Variants in DLG2 observed in about 807,000 individuals in gnomAD.
DLG2 encodes discs large MAGUK scaffold protein 2.
Under a neutral mutation model 132.5 loss-of-function variants are expected in DLG2, and 45 were observed. The ratio of observed to expected loss-of-function variants is 0.34; its 90% CI spans 0.27 to 0.44. DLG2 has a LOEUF of 0.44. Among genes scored for constraint, DLG2 ranks in the 20% least tolerant of loss-of-function variants. DLG2 has a pLI of 1.00. For missense variants in DLG2, 1,045 were observed against 1,196.9 expected, an observed-to-expected ratio of 0.87 and a Z score of 1.87; for synonymous variants, 424 against 419.6, an observed-to-expected ratio of 1.01 and a Z score of -0.13.
At chr11:85,267,552 T>C (rs1006645004) in intron 4 of DLG2, among the ~76,000 whole-genome samples, 2 of 152,102 alleles carry the variant, frequency 1.3e-5, no homozygotes, top group Non-Finnish European at 2.9e-5. Flanking sequence ...TTATGTAGAA[T>C]TGATGTTGTC....
intron 7 of DLG2, among the ~76,000 whole-genome samples, chr11:84,263,982 C>T (rs1823458233): frequency 6.6e-6 from 1 of 152,042 alleles, no homozygotes; most frequent in Non-Finnish European, 1.5e-5. Flanking sequence ...TTTCATTTTC[C>T]CTTATTTTAA....
At chr11:83,724,908 C>T in intron 18 of DLG2, 3 of 702,478 alleles carry the variant, frequency 4.3e-6, no homozygotes, top group African/African-American at 3.5e-5. Context: ...GCAGCTGCTT[C>T]CCAAATTCAG....
intron 3 of DLG2, among the ~76,000 whole-genome samples, chr11:85,519,902 C>T (rs531787748): frequency 6.6e-5 from 10 of 152,150 alleles, no homozygotes; most frequent in Non-Finnish European, 1.3e-4. Context: ...GTGAAATGTG[C>T]CTTTCACCTT....
intron 6 of DLG2, among the ~76,000 whole-genome samples, chr11:84,989,758 T>C (rs919440387): frequency 6.6e-6 from 1 of 152,180 alleles, no homozygotes; most frequent in African/African-American, 2.4e-5. Context: ...TGTGTGATGT[T>C]GGTACAGGGA....
intron 3 of DLG2, among the ~76,000 whole-genome samples, chr11:85,505,884 C>T (rs1598056092): frequency 6.6e-6 from 1 of 152,090 alleles, no homozygotes; most frequent in Admixed American, 6.6e-5. Flanking sequence ...TTAATTACTG[C>T]TTCAATATCA....
At chr11:85,325,013 A>G (rs2081353075) in intron 3 of DLG2, among the ~76,000 whole-genome samples, 1 of 144,404 alleles carries the variant, frequency 6.9e-6, no homozygotes, top group Admixed American at 6.9e-5. Flanking sequence ...GGGGTGACGG[A>G]CGCACCTGGA....
chr11:85,320,747 G>T (rs183062974), intron 3 of DLG2, among the ~76,000 whole-genome samples: 1 of 151,772 alleles, frequency 6.6e-6, no homozygotes, highest in Non-Finnish European at 1.5e-5. Context: ...TGTAGGAAAA[G>T]GGAACAGAGG....
intron 6 of DLG2, among the ~76,000 whole-genome samples, chr11:84,791,294 T>G (rs2073812780): frequency 1.3e-5 from 2 of 152,152 alleles, no homozygotes; most frequent in African/African-American, 4.8e-5. Context: ...CCAAACAGTA[T>G]CAGTCTATGC....
intron 10 of DLG2, among the ~76,000 whole-genome samples, chr11:84,087,619 T>G (rs2097010679): frequency 6.6e-6 from 1 of 152,160 alleles, no homozygotes. Context: ...CTTTCTTGGA[T>G]TATCCTGGGG....
At position 85,285,499 on chromosome 11, in the gene DLG2, A is replaced by G. The variant is rs2078498458; in HGVS notation, c.41-134T>C. On this transcript the variant is annotated intron_variant, in intron 3 of 27. Transcript: ENST00000376104. ...ACTGCATAAATATATATCCCAAAGTAAAACAGAAGAAATCCTGAAAATTAT... is the reference window on the plus strand; with the variant it reads ...ACTGCATAAATATATATCCCAAAGTGAAACAGAAGAAATCCTGAAAATTAT... 9.8e-6 allele frequency: 7 copies of G among 714,020 alleles called. No homozygotes were observed. The East Asian group carries it at 1.9e-4, about 19-fold the overall frequency. 44.2% of individuals were successfully genotyped at this position (714,020 alleles called of 1,614,324 possible).
At chr11:85,025,676 A>T (rs2060453548) in intron 6 of DLG2, among the ~76,000 whole-genome samples, 1 of 152,216 alleles carries the variant, frequency 6.6e-6, no homozygotes, top group Non-Finnish European at 1.5e-5. Flanking sequence ...TAGAAGAATA[A>T]CAGTCTGGTA....
At chr11:85,246,239 A>T (rs768542104) in intron 4 of DLG2, among the ~76,000 whole-genome samples, 78 of 151,966 alleles carry the variant, frequency 5.1e-4, no homozygotes, top group Admixed American at 7.9e-4. Context: ...TCAAGTAAGT[A>T]ACAAAGCTCT....
chr11:84,080,648 AG>A (rs1230650527), intron 10 of DLG2, among the ~76,000 whole-genome samples: 1 of 152,202 alleles, frequency 6.6e-6, no homozygotes, highest in African/African-American at 2.4e-5. Flanking sequence ...GCAGATAAAC[AG>A]GGGAAACAGC....
At chr11:84,713,180 T>C (rs1180597344) in intron 6 of DLG2, among the ~76,000 whole-genome samples, 2 of 152,050 alleles carry the variant, frequency 1.3e-5, no homozygotes, top group Non-Finnish European at 2.9e-5. Flanking sequence ...TTTGAAAGAG[T>C]ACAAAATTAT....
chr11:84,909,009 T>C (rs61907736), intron 6 of DLG2, among the ~76,000 whole-genome samples: 39,129 of 151,486 alleles, frequency 0.26, 5,342 homozygotes, highest in South Asian at 0.43. Flanking sequence ...AAGACTTAAG[T>C]GGCAGGGTTA....
intron 6 of DLG2, among the ~76,000 whole-genome samples, chr11:84,594,966 T>C (rs1054203414): frequency 5.6e-4 from 86 of 152,234 alleles, no homozygotes; most frequent in African/African-American, 2.0e-3. Flanking sequence ...ACTGCTGCTA[T>C]GAAAGTTATT....
chr11:83,749,785 G>A (rs1248150332), intron 18 of DLG2, among the ~76,000 whole-genome samples: 1 of 152,142 alleles, frequency 6.6e-6, no homozygotes, highest in Non-Finnish European at 1.5e-5. Context: ...AAAATTGGCA[G>A]ATACCTTCAA....
At chr11:83,695,940 T>C (rs1344519883) in intron 18 of DLG2, among the ~76,000 whole-genome samples, 3 of 151,938 alleles carry the variant, frequency 2.0e-5, no homozygotes, top group African/African-American at 7.3e-5. Context: ...GAAAACAGAC[T>C]GAGGAGAGAA....
intron 6 of DLG2, among the ~76,000 whole-genome samples, chr11:84,642,679 A>C (rs966188771): frequency 1.3e-5 from 2 of 152,122 alleles, no homozygotes; most frequent in African/African-American, 4.8e-5. Flanking sequence ...CTACCTGTAA[A>C]CCACAGCTAG....
Sources: allele counts gnomAD v4.1 joint callset (sites outside exome capture counted in the v4.1 genomes callset), GRCh38; gene constraint gnomAD v4.1.1; transcripts MANE v1.5; gene names NCBI Gene and HGNC (gene_info 2026-07-23, HGNC 2026-07-21).